The following CEMIP variants were observed in gnomAD, a reference collection of about 807,000 sequenced individuals.
The protein encoded by CEMIP is cell migration inducing hyaluronidase 1.
In CEMIP, 105 loss-of-function variants were observed where a neutral mutation model predicts 156.9. That is an observed-to-expected ratio of 0.67 (90% CI 0.57 to 0.79). The LOEUF (loss-of-function observed/expected upper bound fraction) is 0.79. Among genes scored for constraint, CEMIP ranks in the 30% least tolerant of loss-of-function variants. The pLI is 0.00. For missense variants in CEMIP, 1,457 were observed against 1,769.4 expected, an observed-to-expected ratio of 0.82 and a Z score of 3.17; for synonymous variants, 676 against 668.4, an observed-to-expected ratio of 1.01 and a Z score of -0.17.
intron 1 of CEMIP, among the ~76,000 whole-genome samples, chr15:80,863,110 C>T (rs1898028474): frequency 6.6e-6 from 1 of 152,182 alleles, no homozygotes; most frequent in South Asian, 2.1e-4. Flanking sequence ...TCCCCTCTAG[C>T]TTTATGATGC....
intron 1 of CEMIP, among the ~76,000 whole-genome samples, chr15:80,819,035 G>C (rs1300695967): frequency 6.6e-6 from 1 of 152,192 alleles, no homozygotes; most frequent in Non-Finnish European, 1.5e-5. Flanking sequence ...CCCAGCCTGG[G>C]CATCTTCAGT....
rs561915158 is a variant in CEMIP, at chr15:80,834,376, C to T, written c.-175-39162C>T. ...TTTATTTCTGTTTTACACATCTTTG[C>T]CTGTCCTACCTTTTCTTCTGGAAAC... On this transcript the variant is annotated intron_variant, in intron 1 of 29. Coordinates refer to ENST00000394685, the MANE Select transcript of CEMIP (RefSeq NM_001293298.2). Among the ~76,000 whole-genome samples the T allele has an allele frequency of 3.5e-4, 54 of 152,258 alleles. 2 individuals carry two copies. Among genetic ancestry groups the T allele is most frequent in the Admixed American group, 3.5e-3 (53 of 15,296 alleles).
At chr15:80,800,136 C>A (rs1410481795) in intron 1 of CEMIP, among the ~76,000 whole-genome samples, 1 of 150,988 alleles carries the variant, frequency 6.6e-6, no homozygotes, top group Non-Finnish European at 1.5e-5. Context: ...TCTCAACCTC[C>A]AAAAGTGCTG....
At chr15:80,933,066 A>G (rs1900984584) in intron 22 of CEMIP, among the ~76,000 whole-genome samples, 179 bp from the exon 23 acceptor site, 1 of 152,054 alleles carries the variant, frequency 6.6e-6, no homozygotes, top group Non-Finnish European at 1.5e-5. Flanking sequence ...TGAACCTTTG[A>G]CTGTGACTCC....
At chr15:80,929,924 C>A (rs913519417) in intron 21 of CEMIP, among the ~76,000 whole-genome samples, 4 of 152,284 alleles carry the variant, frequency 2.6e-5, no homozygotes, top group African/African-American at 9.6e-5. Context: ...GGATAATGGA[C>A]TCAGTCAATT....
chr15:80,848,897 C>T lies in CEMIP; in HGVS notation c.-175-24641C>T, dbSNP rs530840679. Among the ~76,000 whole-genome samples the T allele has an allele frequency of 5.8e-3, 539 of 93,660 alleles. 8 individuals are homozygous for T. Among genetic ancestry groups the T allele is most frequent in the African/African-American group, 0.013 (347 of 25,840 alleles). The allele number at this position is 93,660 out of a possible 152,430, so 61.4% of individuals were successfully genotyped here. A position where few individuals can be genotyped will look rare whatever the true frequency, so the allele number is the denominator to read the frequency against. ...GTGTGTTCTCTGATGAGCGTGTGCG[C>T]GTGCACACACACACACACACACACA... On this transcript the variant is annotated intron_variant, in intron 1 of 29. Coordinates refer to ENST00000394685, the MANE Select transcript of CEMIP (RefSeq NM_001293298.2).
At chr15:80,862,678 G>A (rs1477577931) in intron 1 of CEMIP, among the ~76,000 whole-genome samples, 1 of 152,222 alleles carries the variant, frequency 6.6e-6, no homozygotes, top group Non-Finnish European at 1.5e-5. Context: ...CATGTCCCAT[G>A]CACGAAGATA....
chr15:80,909,257 A>G lies in CEMIP; in HGVS notation c.1748A>G (p.His583Arg). 2 of 1,614,054 alleles carry G rather than the reference A, an allele frequency of 1.2e-6. No individual in the cohort carries two copies. Among genetic ancestry groups the G allele is most frequent in the South Asian group, 1.1e-5 (1 of 91,082 alleles). ...PPTYIRDLSI[H>R]HTFSRCVTVH... ...ACATACATCAGGGACCTCTCCATCC[A>G]TCATACATTCTCTCGCTGCGTCACA... is the stretch of plus-strand genomic sequence containing the variant. Residue 583 changes from histidine to arginine, a missense_variant, in exon 14 of 30, where the codon CAT becomes CGT. By Grantham distance (29) the His-to-Arg change is conservative. Transcript: ENST00000394685.
At chr15:80,855,394 G>A (rs1227585167) in intron 1 of CEMIP, among the ~76,000 whole-genome samples, 1 of 152,212 alleles carries the variant, frequency 6.6e-6, no homozygotes, top group Non-Finnish European at 1.5e-5. Flanking sequence ...ACTGGGAACT[G>A]AGCCGAGGAC....
chr15:80,804,403 G>A (rs1896458150), intron 1 of CEMIP, among the ~76,000 whole-genome samples: 1 of 152,198 alleles, frequency 6.6e-6, no homozygotes, highest in Admixed American at 6.5e-5. Flanking sequence ...GTGGTTTGGT[G>A]GAAAGAGCTC....
intron 5 of CEMIP, among the ~76,000 whole-genome samples, 183 bp downstream of exon 5, chr15:80,880,037 C>T (rs1458856362): frequency 6.6e-6 from 1 of 152,204 alleles, no homozygotes; most frequent in African/African-American, 2.4e-5. Context: ...GTCCATAAGG[C>T]TTGTTATTTA....
chr15:80,799,788 AGGTCT>A (rs1182920656), intron 1 of CEMIP, among the ~76,000 whole-genome samples: 6 of 152,212 alleles, frequency 3.9e-5, no homozygotes, highest in African/African-American at 1.4e-4. Context: ...GTATAACCAG[AGGTCT>A]TCATCTTAAG....
intron 1 of CEMIP, among the ~76,000 whole-genome samples, chr15:80,808,225 T>G (rs1473448584): frequency 6.6e-6 from 1 of 152,154 alleles, no homozygotes; most frequent in Non-Finnish European, 1.5e-5. Context: ...ATGTTAGGAA[T>G]GGTGAGTGGT....
At chr15:80,786,109 G>T (rs1895930433) in intron 1 of CEMIP, among the ~76,000 whole-genome samples, 1 of 152,190 alleles carries the variant, frequency 6.6e-6, no homozygotes, top group Admixed American at 6.5e-5. Flanking sequence ...CTCTCAAAAA[G>T]TTCCACAGAG....
In CEMIP at chr15:80,949,762, G is replaced by A. The variant is rs1596218869; in HGVS notation, c.*838G>A. ...CAATGCCAGGTGGAGAAATCACAGA[G>A]AGGTAAAATGGAGGCCAGTGCCATT... On this transcript the variant is annotated 3_prime_UTR_variant, in exon 30 of 30. Transcript: ENST00000394685. 1 of 152,400 alleles carries A rather than the reference G, an allele frequency of 6.6e-6. No individual in the cohort carries two copies. Among genetic ancestry groups the A allele is most frequent in the Admixed American group, 6.5e-5 (1 of 15,290 alleles). The allele number at this position is 152,400 out of a possible 1,614,324, so 9.4% of individuals were successfully genotyped here. A position where few individuals can be genotyped will look rare whatever the true frequency, so the allele number is the denominator to read the frequency against.
chr15:80,835,105 A>G (rs866427703), intron 1 of CEMIP, among the ~76,000 whole-genome samples: 1 of 142,674 alleles, frequency 7.0e-6, no homozygotes, highest in Admixed American at 7.1e-5. Context: ...GAGAGAGAGA[A>G]AGAGACAGAG....
At chr15:80,807,756 T>C (rs1050575282) in intron 1 of CEMIP, among the ~76,000 whole-genome samples, 1 of 152,256 alleles carries the variant, frequency 6.6e-6, no homozygotes, top group Non-Finnish European at 1.5e-5. Context: ...ATTTAAAACC[T>C]TTTCTTTCCA....
At chr15:80,892,403 C>T (rs112292388) in intron 10 of CEMIP, among the ~76,000 whole-genome samples, 46 of 152,302 alleles carry the variant, frequency 3.0e-4, no homozygotes, top group African/African-American at 1.1e-3. Context: ...GCCCTTCGTT[C>T]AGCTCTCCTT....
chr15:80,825,681 C>T (rs1171034179), intron 1 of CEMIP, among the ~76,000 whole-genome samples: 1 of 152,216 alleles, frequency 6.6e-6, no homozygotes, highest in East Asian at 1.9e-4. Context: ...AAGTGTCCAT[C>T]AGCGATTTCA....
Sources: allele counts gnomAD v4.1 joint callset (sites outside exome capture counted in the v4.1 genomes callset), GRCh38; gene constraint gnomAD v4.1.1; transcripts MANE v1.5; gene names NCBI Gene and HGNC (gene_info 2026-07-23, HGNC 2026-07-21).